TRIM24: variants seen among roughly 807,000 people sequenced by gnomAD.
TRIM24 encodes transcription intermediary factor 1-alpha.
TRIM24 carries 29 observed loss-of-function variants against 123.9 expected under a neutral mutation model. That is an observed-to-expected ratio of 0.23 (90% confidence interval 0.17 to 0.32). The LOEUF (loss-of-function observed/expected upper bound fraction) is 0.32, where lower values mean the gene tolerates loss of function less well. Among genes scored for constraint, TRIM24 ranks in the 10% least tolerant of loss-of-function variants. The pLI, the probability that TRIM24 is intolerant of heterozygous loss-of-function variation, is 1.00. For missense variants in TRIM24, 932 were observed against 1,295.3 expected (o/e 0.72, Z 4.31); for synonymous variants, 456 against 461.1 (o/e 0.99, Z 0.14).
In TRIM24 at chr7:138,585,388, C is replaced by T; in HGVS notation, c.*437C>T. 1 of 231,326 alleles carries T rather than the reference C, an allele frequency of 4.3e-6. No homozygotes were observed. The highest frequency in any genetic ancestry group is 8.5e-6 in the Non-Finnish European group (1 of 117,956). The allele number at this position is 231,326 out of a possible 1,614,324, so 14.3% of individuals were successfully genotyped here. A position where few individuals can be genotyped will look rare whatever the true frequency, so the allele number is the denominator to read the frequency against. ...CAGCTTTAGAAATTAATACCACTACCCGTGAATTATATGGCCTGACAATAT... is the reference window on the plus strand; with the variant it reads ...CAGCTTTAGAAATTAATACCACTACTCGTGAATTATATGGCCTGACAATAT... On this transcript the variant is annotated 3_prime_UTR_variant, in exon 19 of 19. Coordinates refer to ENST00000343526, the MANE Select transcript of TRIM24 (RefSeq NM_015905.3).
At chr7:138,553,933 A>G (rs1797263376) in intron 8 of TRIM24, among the ~76,000 whole-genome samples, 1 of 152,192 alleles carries the variant, frequency 6.6e-6, no homozygotes, top group East Asian at 1.9e-4. Flanking sequence ...GAACTTACAT[A>G]CAGGACAGTC....
intron 1 of TRIM24, among the ~76,000 whole-genome samples, chr7:138,487,060 T>A (rs1795663583): frequency 6.6e-6 from 1 of 152,212 alleles, no homozygotes; most frequent in South Asian, 2.1e-4. Flanking sequence ...TCACATCCCT[T>A]GTAAGTTGGA....
chr7:138,567,134 A>C (rs755941408), intron 9 of TRIM24, among the ~76,000 whole-genome samples: 5 of 152,224 alleles, frequency 3.3e-5, no homozygotes, highest in Admixed American at 6.5e-5. Context: ...TCAAAAGGGT[A>C]GTTCTTTGTG....
intron 5 of TRIM24, among the ~76,000 whole-genome samples, chr7:138,528,704 T>C (rs778743811): frequency 1.3e-5 from 2 of 151,964 alleles, no homozygotes; most frequent in African/African-American, 4.8e-5. Flanking sequence ...TATACACTTT[T>C]CTAGCTTTCG....
At chr7:138,558,162 G>C (rs942098914) in intron 9 of TRIM24, among the ~76,000 whole-genome samples, 7 of 152,104 alleles carry the variant, frequency 4.6e-5, no homozygotes, top group African/African-American at 1.7e-4. Flanking sequence ...TGCCTGCCAG[G>C]CATTTGGAGT....
chr7:138,481,238 G>A (rs1174151724), intron 1 of TRIM24, among the ~76,000 whole-genome samples: 1 of 151,654 alleles, frequency 6.6e-6, no homozygotes, highest in Non-Finnish European at 1.5e-5. Flanking sequence ...TGATTCACCT[G>A]CCTTGGCCTC....
intron 1 of TRIM24, among the ~76,000 whole-genome samples, chr7:138,462,933 G>C (rs1382126130): frequency 1.3e-5 from 2 of 149,476 alleles, no homozygotes; most frequent in East Asian, 4.0e-4. Flanking sequence ...GCAGTGGTGC[G>C]ATCTTGGCTC....
In TRIM24 at chr7:138,585,912, G is replaced by GT. The variant is rs1798008180; in HGVS notation, c.*966dup. The GT allele has an allele frequency of 1.9e-6, 1 of 517,966 alleles. No homozygotes were observed. Among genetic ancestry groups the GT allele is most frequent in the African/African-American group, 1.9e-5 (1 of 51,824 alleles). The allele number at this position is 517,966 out of a possible 1,614,324, so 32.1% of individuals were successfully genotyped here. On this transcript the variant is annotated 3_prime_UTR_variant, in exon 19 of 19. Coordinates refer to ENST00000343526, the MANE Select transcript of TRIM24 (RefSeq NM_015905.3). The stretch of plus-strand genomic sequence containing the variant: ...ATATAAGTTCCTCTGAAAGGGACTC[G>GT]TTTTTGTGGTTTTCATCTGTCTATA...
chr7:138,500,563 CAAA>C (rs773042715), intron 1 of TRIM24, among the ~76,000 whole-genome samples: 17 of 61,402 alleles, frequency 2.8e-4, no homozygotes, highest in Admixed American at 3.7e-4. Context: ...GACCTTGTTT[CAAA>C]AAAAAAAAAA....
chr7:138,577,700 G>T (rs1797790933), intron 14 of TRIM24, 112 bp downstream of exon 14: 17 of 888,386 alleles, frequency 1.9e-5, no homozygotes. Flanking sequence ...AGGATTTAAA[G>T]ACAATTTGAG....
chr7:138,574,987 T>C (rs185456592), intron 12 of TRIM24, among the ~76,000 whole-genome samples: 5 of 152,288 alleles, frequency 3.3e-5, no homozygotes, highest in Admixed American at 2.6e-4. Flanking sequence ...TTTGAAGCAG[T>C]GCCCAAATAT....
intron 1 of TRIM24, among the ~76,000 whole-genome samples, chr7:138,496,210 A>G (rs1795902639): frequency 6.6e-6 from 1 of 152,204 alleles, no homozygotes; most frequent in South Asian, 2.1e-4. Flanking sequence ...AACTGTGTTG[A>G]GTCTACCAAT....
At chr7:138,509,857 A>T (rs1796249587) in intron 2 of TRIM24, among the ~76,000 whole-genome samples, 1 of 152,218 alleles carries the variant, frequency 6.6e-6, no homozygotes, top group Non-Finnish European at 1.5e-5. Flanking sequence ...GGATGGAATT[A>T]TTAAAAGATA....
chr7:138,503,244 G>A (rs1439425233), intron 1 of TRIM24, among the ~76,000 whole-genome samples: 1 of 152,062 alleles, frequency 6.6e-6, no homozygotes, highest in East Asian at 1.9e-4. Flanking sequence ...AAATTCTATG[G>A]AAATTTCTGT....
At chr7:138,538,038 T>C (rs1230642926) in intron 6 of TRIM24, among the ~76,000 whole-genome samples, 1 of 152,202 alleles carries the variant, frequency 6.6e-6, no homozygotes, top group African/African-American at 2.4e-5. Context: ...ATACCTCCTT[T>C]AGAGAAATCT....
At chr7:138,580,779 A>C in intron 16 of TRIM24, 85 bp downstream of exon 16, 1 of 1,286,884 alleles carries the variant, frequency 7.8e-7, no homozygotes, top group Non-Finnish European at 1.0e-6. Flanking sequence ...ATATCCATCC[A>C]GATTTTATAC....
intron 4 of TRIM24, among the ~76,000 whole-genome samples, chr7:138,521,618 A>G (rs1231224378): frequency 6.6e-6 from 1 of 152,206 alleles, no homozygotes; most frequent in East Asian, 1.9e-4. Context: ...TAATTATACT[A>G]AGTGTGAACA....
intron 16 of TRIM24, 103 bp downstream of exon 16, chr7:138,580,797 T>TTTTA (rs745502743): frequency 5.7e-5 from 64 of 1,113,056 alleles, no homozygotes; most frequent in Non-Finnish European, 7.1e-5. Flanking sequence ...TACTGATCCT[T>TTTTA]TTTATTTAAG....
chr7:138,475,493 A>G (rs960330069), intron 1 of TRIM24, among the ~76,000 whole-genome samples: 7 of 152,210 alleles, frequency 4.6e-5, no homozygotes, highest in Non-Finnish European at 8.8e-5. Flanking sequence ...TTGGGTTAAC[A>G]TAGCAAAATC....
Sources: allele counts gnomAD v4.1 joint callset (sites outside exome capture counted in the v4.1 genomes callset), GRCh38; gene constraint gnomAD v4.1.1; transcripts MANE v1.5; gene names NCBI Gene and HGNC (gene_info 2026-07-23, HGNC 2026-07-21).